UBAP2: variants seen among roughly 807,000 people sequenced by gnomAD.
UBAP2 encodes ubiquitin associated protein 2, also known as ubiquitin-associated protein 2.
UBAP2 carries 75 observed loss-of-function variants against 139.6 expected under a neutral mutation model. The ratio of observed to expected loss-of-function variants is 0.54; its 90% CI spans 0.45 to 0.65. The LOEUF (loss-of-function observed/expected upper bound fraction) is 0.65. Among genes scored for constraint, UBAP2 ranks in the 30% least tolerant of loss-of-function variants. The probability of loss-of-function intolerance (pLI) is 0.00; values close to 1 mark genes in which losing one functional copy is unlikely to be tolerated. For synonymous variants in UBAP2, 526 were observed against 526.2 expected (o/e 1.00, Z 0.01); for missense variants, 1,368 against 1,369.6 (o/e 1.00, Z 0.02).
At chr9:34,027,497 C>T (rs1418045609) in intron 1 of UBAP2, among the ~76,000 whole-genome samples, 2 of 151,566 alleles carry the variant, frequency 1.3e-5, no homozygotes, top group African/African-American at 2.4e-5. Context: ...GGGGGAGGAT[C>T]GCCTGAGCCC....
chr9:34,012,519 A>C (rs1823842020), intron 2 of UBAP2, among the ~76,000 whole-genome samples: 2 of 76,882 alleles, frequency 2.6e-5, no homozygotes, highest in East Asian at 3.6e-4. Flanking sequence ...CATCAAAGTA[A>C]AACTGTCTCA....
At chr9:33,982,663 T>C (rs990799959) in intron 6 of UBAP2, among the ~76,000 whole-genome samples, 2 of 152,098 alleles carry the variant, frequency 1.3e-5, no homozygotes, top group Admixed American at 1.3e-4. Context: ...TAAAACACCA[T>C]ACCCCCTGCA....
At chr9:33,980,076 C>CA (rs1202422098) in intron 6 of UBAP2, among the ~76,000 whole-genome samples, 2 of 151,828 alleles carry the variant, frequency 1.3e-5, no homozygotes, top group African/African-American at 4.8e-5. Flanking sequence ...GACCCAGTTT[C>CA]AACAACAAAA....
At chr9:34,039,853 A>AAT (rs1322882732) in intron 1 of UBAP2, among the ~76,000 whole-genome samples, 1 of 113,360 alleles carries the variant, frequency 8.8e-6, no homozygotes, top group Non-Finnish European at 1.9e-5. Flanking sequence ...ATACTAAAAA[A>AAT]AAAAAAAAAA....
At chr9:34,048,595 T>C (rs921818083) in intron 1 of UBAP2, among the ~76,000 whole-genome samples, 1 of 150,958 alleles carries the variant, frequency 6.6e-6, no homozygotes, top group Admixed American at 6.6e-5. Context: ...CGGGGGAAAG[T>C]AGGAAGAAGC....
chr9:33,964,620 A>G (rs2131023608), intron 8 of UBAP2, among the ~76,000 whole-genome samples: 1 of 152,012 alleles, frequency 6.6e-6, no homozygotes, highest in Non-Finnish European at 1.5e-5. Context: ...GGATCACTTG[A>G]GCCCAGGAGT....
At chr9:33,962,506 C>T (rs1008082198) in intron 9 of UBAP2, among the ~76,000 whole-genome samples, 3 of 151,754 alleles carry the variant, frequency 2.0e-5, no homozygotes, top group Non-Finnish European at 2.9e-5. Context: ...ATTAGCCAGG[C>T]GTGGTGGCGT....
In UBAP2 at chr9:34,036,344, C is replaced by T. The variant is rs564293719; in HGVS notation, c.-42+12481G>A. On this transcript the variant is annotated intron_variant, in intron 1 of 28. Coordinates refer to ENST00000379238, the MANE Select transcript of UBAP2 (RefSeq NM_001370062.2). ...GTTGGTCAGGATGGTCTCAAACTCC[C>T]GACCTCAGGTGATCTGCCCGTCTCG... 1.3e-3 allele frequency among the ~76,000 whole-genome samples: 191 copies of T among 152,054 alleles called. 1 individual carries two copies. The highest frequency in any genetic ancestry group is 4.3e-3 in the African/African-American group (178 of 41,508).
intron 2 of UBAP2, among the ~76,000 whole-genome samples, chr9:34,015,002 T>C (rs1322746083): frequency 2.0e-5 from 3 of 152,206 alleles, no homozygotes; most frequent in African/African-American, 4.8e-5. Context: ...CTGAAAAATG[T>C]AACGCAACAC....
At chr9:34,021,880 C>T (rs775823124) in intron 1 of UBAP2, among the ~76,000 whole-genome samples, 2 of 152,088 alleles carry the variant, frequency 1.3e-5, no homozygotes, top group Non-Finnish European at 1.5e-5. Flanking sequence ...GTGATCCAAC[C>T]GCCTCAACCT....
At chr9:33,974,335 T>C (rs575491557) in intron 6 of UBAP2, among the ~76,000 whole-genome samples, 6 of 151,980 alleles carry the variant, frequency 3.9e-5, no homozygotes, top group Admixed American at 3.9e-4. Context: ...GGCAAAACCT[T>C]GTCTCTACAA....
chr9:34,014,051 A>G (rs767241227), intron 2 of UBAP2, among the ~76,000 whole-genome samples: 3 of 151,938 alleles, frequency 2.0e-5, no homozygotes, highest in Admixed American at 2.0e-4. Flanking sequence ...GGCCAGGTGC[A>G]GTGGCTCACA....
chr9:34,033,529 A>G (rs1261758584), intron 1 of UBAP2, among the ~76,000 whole-genome samples: 1 of 152,004 alleles, frequency 6.6e-6, no homozygotes, highest in Non-Finnish European at 1.5e-5. Flanking sequence ...AATAAGACCC[A>G]CTATTTGATA....
At chr9:33,923,350 T>C (rs1016943931) in intron 25 of UBAP2, 29 bp downstream of exon 25, 3 of 1,613,806 alleles carry the variant, frequency 1.9e-6, no homozygotes, top group Admixed American at 1.7e-5. Context: ...TCTAACCCCA[T>C]GTGTCTCTGT....
chr9:33,992,662 G>GA (rs1351040933), intron 4 of UBAP2, among the ~76,000 whole-genome samples: 3 of 149,752 alleles, frequency 2.0e-5, no homozygotes, highest in African/African-American at 7.3e-5. Context: ...GGGCGGAGGG[G>GA]GGGGGGCACA....
intron 5 of UBAP2, among the ~76,000 whole-genome samples, chr9:33,987,461 T>C (rs1017131049): frequency 1.3e-5 from 2 of 151,474 alleles, no homozygotes; most frequent in Non-Finnish European, 2.9e-5. Flanking sequence ...ATTATCCAGG[T>C]ATGGTTGTGA....
intron 16 of UBAP2, among the ~76,000 whole-genome samples, chr9:33,937,413 C>G (rs1467589247): frequency 6.6e-6 from 1 of 151,716 alleles, no homozygotes; most frequent in African/African-American, 2.4e-5. Flanking sequence ...TCGAGACCAG[C>G]CTAGCCAACA....
Position 33,953,393 on chromosome 9 carries a change from C to A in UBAP2, c.948G>T (p.Gln316His), listed in dbSNP as rs974000545. 6 of 1,614,046 alleles carry A rather than the reference C, an allele frequency of 3.7e-6. No individual in the cohort carries two copies. The African/African-American group carries it at 6.7e-5, about 18-fold the overall frequency. Residue 316 changes from glutamine (Q) to histidine (H), a missense_variant, in exon 12 of 29, where the codon CAG becomes CAT. Physicochemically the swap from Gln to His is conservative, Grantham distance 24. Coordinates refer to ENST00000379238, the MANE Select transcript of UBAP2 (RefSeq NM_001370062.2). ...AGACAAGGGCTTGGCCAAAGCCCTG[C>A]TGTTGGGAAGTTTCAAAGGAGTTGG... The part of the protein sequence containing the change: ...SEANSFETSQ[Q>H]QGFGQALVFT...
At chr9:33,930,885 G>C (rs890101205) in intron 19 of UBAP2, among the ~76,000 whole-genome samples, 5 of 112,272 alleles carry the variant, frequency 4.5e-5, no homozygotes, top group African/African-American at 1.8e-4. Context: ...GACAGAGTGA[G>C]ACTGCATCTC....
Sources: allele counts gnomAD v4.1 joint callset (sites outside exome capture counted in the v4.1 genomes callset), GRCh38; gene constraint gnomAD v4.1.1; transcripts MANE v1.5; gene names NCBI Gene and HGNC (gene_info 2026-07-23, HGNC 2026-07-21).